Variants in NCOA1 observed in about 807,000 individuals in gnomAD.
NCOA1 encodes the protein nuclear receptor coactivator 1.
Under a neutral mutation model 150.9 loss-of-function variants are expected in NCOA1, and 35 were observed. The observed-to-expected ratio is 0.23, with a 90% CI of 0.18 to 0.31. The LOEUF is 0.31. NCOA1 is among the 10% of genes least tolerant of loss of function. The pLI is 1.00. For synonymous variants in NCOA1, 590 were observed against 630.0 expected, an observed-to-expected ratio of 0.94 and a Z score of 0.95; for missense variants, 1,491 against 1,749.3, an observed-to-expected ratio of 0.85 and a Z score of 2.63.
At chr2:24,608,693 G>C (rs1263087830) in intron 3 of NCOA1, among the ~76,000 whole-genome samples, 2 of 116,626 alleles carry the variant, frequency 1.7e-5, no homozygotes, top group Non-Finnish European at 3.6e-5. Flanking sequence ...TTTTTTTCTT[G>C]TTGTTGTTGT....
chr2:24,523,702 C>T (rs1327450388), intron 1 of NCOA1, among the ~76,000 whole-genome samples: 10 of 141,380 alleles, frequency 7.1e-5, no homozygotes, highest in Admixed American at 2.9e-4. Context: ...CCGAGGTGGG[C>T]GGATCATGAG....
chr2:24,678,709 A>G (rs890261198), intron 7 of NCOA1, among the ~76,000 whole-genome samples: 2 of 152,046 alleles, frequency 1.3e-5, no homozygotes, highest in South Asian at 4.1e-4. Flanking sequence ...TGTTCATGCC[A>G]TTTGCCTGCT....
intron 1 of NCOA1, among the ~76,000 whole-genome samples, chr2:24,495,435 A>C (rs1269993362): frequency 6.6e-6 from 1 of 152,166 alleles, no homozygotes; most frequent in African/African-American, 2.4e-5. Context: ...TCGAGGAGTT[A>C]TGGAAGACTC....
rs937376235 is a variant in NCOA1 at position 24,656,826 on chromosome 2, A to G, written c.-17-1835A>G. The stretch of plus-strand genomic sequence containing the variant: ...TTTTTGTGGCTGTCTGGTATATTTC[A>G]CTGTGTATATATACCACATTTTCTT... On this transcript the variant is annotated intron_variant, in intron 4 of 22. Coordinates refer to ENST00000348332, the MANE Select transcript of NCOA1 (RefSeq NM_003743.5). Among the ~76,000 whole-genome samples the G allele has an allele frequency of 5.9e-5, 9 of 152,142 alleles. No homozygotes were observed. The South Asian group carries it at 1.7e-3, about 28-fold the overall frequency.
intron 11 of NCOA1, among the ~76,000 whole-genome samples, chr2:24,701,267 G>C (rs1206683918): frequency 6.6e-6 from 1 of 152,104 alleles, no homozygotes; most frequent in Admixed American, 6.6e-5. Context: ...CCCTTGGGAG[G>C]CTGAGACAGG....
chr2:24,564,404 AC>A lies in NCOA1; in HGVS notation c.-285del, dbSNP rs1484984102. The A allele has an allele frequency of 6.6e-6, 1 of 152,250 alleles. No individual in the cohort carries two copies. The highest frequency in any genetic ancestry group is 2.4e-5 in the African/African-American group (1 of 41,470). 9.4% of individuals were successfully genotyped at this position (152,250 alleles called of 1,614,324 possible). On this transcript the variant is annotated 5_prime_UTR_variant, in exon 2 of 23. An upstream open reading frame in the 5' UTR gains an earlier in-frame stop. Transcript: ENST00000348332. The stretch of plus-strand genomic sequence containing the variant: ...ACTTTGCTTCCAAAAGAAGTTACCA[AC>A]ATTTAGAATTTCTACTTATTCTGAG...
intron 3 of NCOA1, among the ~76,000 whole-genome samples, chr2:24,605,885 T>C (rs1371379077): frequency 1.3e-5 from 2 of 152,236 alleles, no homozygotes; most frequent in African/African-American, 4.8e-5. Context: ...CAAGTTTTGT[T>C]TCTTTCATAC....
intron 3 of NCOA1, among the ~76,000 whole-genome samples, chr2:24,625,393 G>T (rs1297838346): frequency 6.7e-6 from 1 of 150,298 alleles, no homozygotes; most frequent in Admixed American, 6.6e-5. Context: ...AAAGTTGAAG[G>T]AAAGGTGAGA....
intron 14 of NCOA1, among the ~76,000 whole-genome samples, chr2:24,719,760 C>T (rs1674265432): frequency 6.6e-6 from 1 of 151,998 alleles, no homozygotes; most frequent in Non-Finnish European, 1.5e-5. Context: ...GGGGGCCTGG[C>T]GAATCCTCTA....
At chr2:24,693,977 C>G (rs1357587138) in intron 10 of NCOA1, among the ~76,000 whole-genome samples, 3 of 152,118 alleles carry the variant, frequency 2.0e-5, no homozygotes, top group African/African-American at 7.2e-5. Flanking sequence ...GTGGTGCCCA[C>G]TACTTAAAGT....
chr2:24,729,057 G>A (rs1662859113), intron 16 of NCOA1, among the ~76,000 whole-genome samples: 1 of 152,162 alleles, frequency 6.6e-6, no homozygotes, highest in Admixed American at 6.5e-5. Flanking sequence ...GAAAACATTT[G>A]GAAACCATAA....
intron 7 of NCOA1, among the ~76,000 whole-genome samples, chr2:24,682,316 A>G (rs1423145591): frequency 1.3e-5 from 2 of 152,180 alleles, no homozygotes; most frequent in Non-Finnish European, 2.9e-5. Flanking sequence ...GGTTTGTGTG[A>G]TATGTGACTG....
chr2:24,704,754 CAG>C (rs1673329976), intron 11 of NCOA1, among the ~76,000 whole-genome samples: 1 of 150,658 alleles, frequency 6.6e-6, no homozygotes, highest in Non-Finnish European at 1.5e-5. Flanking sequence ...GCCTGGGCGA[CAG>C]AGTGAGACTC....
Position 24,741,881 on chromosome 2 carries a change from T to C in NCOA1, c.3401T>C (p.Leu1134Pro). 1 of 1,614,218 alleles carries C rather than the reference T, an allele frequency of 6.2e-7. No individual in the cohort carries two copies. The highest frequency in any genetic ancestry group is 8.5e-7 in the Non-Finnish European group (1 of 1,180,048). ...RQLIQQQRAM[L>P]MRQQSFGNNL... ...CTAATACAGCAGCAAAGAGCCATGC[T>C]TATGAGGCAGCAAAGCTTTGGGAAC... The change falls in exon 19 of 23, where the codon CTT (leucine) becomes CCT (proline). Residue 1134 changes from leucine (L) to proline (P), a missense_variant. Coordinates refer to ENST00000348332, the MANE Select transcript of NCOA1 (RefSeq NM_003743.5).
chr2:24,707,698 C>T lies in NCOA1; in HGVS notation c.2228C>T (p.Ser743Leu), dbSNP rs1266076475. The T allele has an allele frequency of 1.2e-6, 2 of 1,614,080 alleles. No homozygotes were observed. The highest frequency in any genetic ancestry group is 4.5e-5 in the East Asian group (2 of 44,882). ...CTGGATGCTTCAAAGAAAAAAGAAT[C>T]AAAAGACCATCAGCTCCTACGCTAT... ...LELDASKKKE[S>L]KDHQLLRYLL... Residue 743 changes from serine to leucine, a missense_variant, in exon 13 of 23, where the codon TCA becomes TTA. By Grantham distance (145) the Ser-to-Leu change is moderately radical. Transcript: ENST00000348332.
intron 21 of NCOA1, among the ~76,000 whole-genome samples, chr2:24,760,498 G>A (rs1230406448): frequency 6.6e-6 from 1 of 151,864 alleles, no homozygotes; most frequent in African/African-American, 2.4e-5. Flanking sequence ...CGGCTAATGA[G>A]CTTTTCTATG....
At chr2:24,735,863 CTTCTAAAA>C (rs1475507814) in intron 17 of NCOA1, among the ~76,000 whole-genome samples, 1 of 152,126 alleles carries the variant, frequency 6.6e-6, no homozygotes, top group African/African-American at 2.4e-5. Flanking sequence ...CAGTAAAGGA[CTTCTAAAA>C]TTCTATTTTG....
Position 24,691,504 on chromosome 2 carries a change from G to A in NCOA1, c.556G>A (p.Glu186Lys). The A allele has an allele frequency of 6.2e-7, 1 of 1,613,914 alleles. No homozygotes were observed. Among genetic ancestry groups the A allele is most frequent in the East Asian group, 2.2e-5 (1 of 44,864 alleles). Residue 186 changes from glutamate (E) to lysine (K), a missense_variant, in exon 9 of 23, where the codon GAG (glutamate) becomes AAG (lysine). Coordinates refer to ENST00000348332, the MANE Select transcript of NCOA1 (RefSeq NM_003743.5). ...AGTAAATGGAGTTCCTTGGCCTCAA[G>A]AGGCAACACGACGAAATAGCCATAC... ...SLVNGVPWPQ[E>K]ATRRNSHTFN...
At chr2:24,525,325 T>A (rs1325765170) in intron 1 of NCOA1, among the ~76,000 whole-genome samples, 1 of 151,928 alleles carries the variant, frequency 6.6e-6, no homozygotes, top group Non-Finnish European at 1.5e-5. Flanking sequence ...TAAAAGTGAG[T>A]CAAGTTTATG....
Sources: gnomAD v4.1 joint callset for allele counts (sites outside exome capture counted in the v4.1 genomes callset) on GRCh38, gnomAD v4.1.1 for gene constraint, MANE v1.5 for transcripts, NCBI Gene and HGNC (gene_info 2026-07-23, HGNC 2026-07-21) for gene names.